The following RECQL5 variants were observed in gnomAD, a reference collection of about 807,000 sequenced individuals.
RECQL5 encodes the protein RecQ like helicase 5.
In RECQL5, 88 loss-of-function variants were observed where a neutral mutation model predicts 103.4. That is an observed-to-expected ratio of 0.85 (90% CI 0.72 to 1.02). The LOEUF (loss-of-function observed/expected upper bound fraction) is 1.02, where lower values mean the gene tolerates loss of function less well. RECQL5 is among the 50% of genes least tolerant of loss of function. The probability of loss-of-function intolerance (pLI) is 0.00; values close to 1 mark genes in which losing one functional copy is unlikely to be tolerated. For missense variants in RECQL5, 1,232 were observed against 1,284.3 expected, an observed-to-expected ratio of 0.96 and a Z score of 0.62; for synonymous variants, 552 against 507.9, an observed-to-expected ratio of 1.09 and a Z score of -1.17.
At chr17:75,632,927 C>T (rs820199) in intron 8 of RECQL5, among the ~76,000 whole-genome samples, 60,470 of 152,134 alleles carry the variant, frequency 0.4, 12,470 homozygotes, top group African/African-American at 0.49. Flanking sequence ...AGCACTGCTG[C>T]GGCTGCAAGA....
In RECQL5 at chr17:75,661,495, T is replaced by C. The variant is rs554499403; in HGVS notation, c.874+111A>G. 3.9e-5 allele frequency: 29 copies of C among 738,324 alleles called. No individual in the cohort carries two copies. In the South Asian group the frequency reaches 4.4e-4, roughly 11 times the overall value. The allele number at this position is 738,324 out of a possible 1,614,324, so 45.7% of individuals were successfully genotyped here. A position where few individuals can be genotyped will look rare whatever the true frequency, so the allele number is the denominator to read the frequency against. On this transcript the variant is annotated intron_variant, in intron 5 of 19. Transcript: ENST00000317905. ...GTGTATCACTTTAGCTCTGCCTGAG[T>C]ATCTGCAATAAGATGGTGGGTCACC...
In RECQL5 at chr17:75,627,264, G is replaced by A. The variant is rs78691378; in HGVS notation, c.*158C>T. The A allele has an allele frequency of 4.5e-3, 3,166 of 706,044 alleles. 72 individuals are homozygous for A. The African/African-American group carries it at 0.048, about 11-fold the overall frequency. 43.7% of individuals were successfully genotyped at this position (706,044 alleles called of 1,614,324 possible). ...AGAAAGGTGGGCTGACCTCTGACCT[G>A]GATTCAGGGGGTGTCTGGGGTCATC... On this transcript the variant is annotated 3_prime_UTR_variant, in exon 20 of 20. Transcript: ENST00000317905.
Position 75,650,920 on chromosome 17 carries a change from G to A in RECQL5, c.1229+266C>T, listed in dbSNP as rs2059546995. ...ATCCCTTGGAACTGAGTGGCTTGTG[G>A]GGCCAGCCATCCCAGAAGAGGGTGG... is the stretch of plus-strand genomic sequence containing the variant. On this transcript the variant is annotated intron_variant, in intron 8 of 19. Transcript: ENST00000317905. 3.5e-6 allele frequency: 5 copies of A among 1,442,786 alleles called. No homozygotes were observed. The South Asian group carries it at 5.8e-5, about 17-fold the overall frequency. 89.4% of individuals were successfully genotyped at this position (1,442,786 alleles called of 1,614,324 possible).
rs768807130 is a variant in RECQL5 at position 75,630,249 on chromosome 17, G to C, written c.1747C>G (p.Leu583Val). ...GCGTTCCGGAATGTCTCATGTTCCAGCTCCACGGCCTTGGCCCGGAGGTCA... is the reference window on the plus strand; with the variant it reads ...GCGTTCCGGAATGTCTCATGTTCCACCTCCACGGCCTTGGCCCGGAGGTCA... ...EADLRAKAVELEHETFRNAKV... is the reference protein window; with the variant it reads ...EADLRAKAVEVEHETFRNAKV... The change falls in exon 14 of 20, where the codon CTG becomes GTG. Residue 583 changes from leucine (L) to valine (V), a missense_variant. By Grantham distance (32) the Leu-to-Val change is conservative. Transcript: ENST00000317905. 6.4e-7 allele frequency: 1 copy of C among 1,562,004 alleles called. No homozygotes were observed. The highest frequency in any genetic ancestry group is 2.4e-5 in the East Asian group (1 of 42,450).
chr17:75,665,827 T>C (rs1160082775), intron 2 of RECQL5, among the ~76,000 whole-genome samples: 1 of 152,208 alleles, frequency 6.6e-6, no homozygotes, highest in Non-Finnish European at 1.5e-5. Flanking sequence ...AGAGGGCTTT[T>C]GTTTAGACAT....
intron 8 of RECQL5, among the ~76,000 whole-genome samples, chr17:75,644,983 G>A (rs1219955479): frequency 6.6e-6 from 1 of 152,090 alleles, no homozygotes; most frequent in African/African-American, 2.4e-5. Context: ...TTCCTTGGCC[G>A]GCCTTCCTGG....
rs904274073 is a variant in RECQL5 at position 75,633,521 on chromosome 17, C to A, written c.1230-1853G>T. 1.2e-5 allele frequency: 15 copies of A among 1,287,656 alleles called. No individual in the cohort carries two copies. The African/African-American group carries it at 2.1e-4, about 18-fold the overall frequency. 79.8% of individuals were successfully genotyped at this position (1,287,656 alleles called of 1,614,324 possible). On this transcript the variant is annotated intron_variant, in intron 8 of 19. Coordinates refer to ENST00000317905, the MANE Select transcript of RECQL5 (RefSeq NM_004259.7). Reference sequence around the variant, plus strand: ...GCCACTCCCAGGTCACTCAGGATTCCAAGTTCTCCCCCAAGACGCCTTCAG... The same window carrying A: ...GCCACTCCCAGGTCACTCAGGATTCAAAGTTCTCCCCCAAGACGCCTTCAG...
intron 8 of RECQL5, chr17:75,635,724 G>A: frequency 1.1e-5 from 10 of 913,532 alleles, no homozygotes; most frequent in Non-Finnish European, 1.3e-5. Flanking sequence ...GCCCAACAGG[G>A]CAAGGGTGAC....
chr17:75,630,945 C>A, intron 11 of RECQL5, 29 bp downstream of exon 11: 4 of 1,611,952 alleles, frequency 2.5e-6, no homozygotes, highest in Non-Finnish European at 3.4e-6. Context: ...GAAGAGCCCA[C>A]AAGCCTCCAG....
Position 75,640,945 on chromosome 17 carries a change from C to T in RECQL5, c.1230-9277G>A. 1 of 1,532,428 alleles carries T rather than the reference C, an allele frequency of 6.5e-7. No homozygotes were observed. The highest frequency in any genetic ancestry group is 1.4e-5 in the African/African-American group (1 of 73,070). The allele number at this position is 1,532,428 out of a possible 1,614,324, so 94.9% of individuals were successfully genotyped here. A position where few individuals can be genotyped will look rare whatever the true frequency, so the allele number is the denominator to read the frequency against. ...AAGCTGGAGAGGAGATGGCCAATGC[C>T]ATGACACAGGCCATCAGCCTGGCCC... On this transcript the variant is annotated intron_variant, in intron 8 of 19. Transcript: ENST00000317905. This position sits in a 1 kb window ranked among gnomAD's most constrained non-coding sequence, Gnocchi z 4.6.
chr17:75,634,100 G>A, intron 8 of RECQL5: 1 of 985,576 alleles, frequency 1.0e-6, no homozygotes, highest in South Asian at 4.7e-5. Context: ...CTGGGCTGAG[G>A]CGCCCAGGGG....
rs2059327322 is a variant in RECQL5 at position 75,636,647 on chromosome 17, CG to C, written c.1230-4980del. On this transcript the variant is annotated intron_variant, in intron 8 of 19. Transcript: ENST00000317905. The surrounding 1 kb of genome is among the most constrained non-coding windows in gnomAD (Gnocchi z 5.4). ...CCCGCTGGGAAGACCACCTGGGGAC[CG>C]GCTGGAATGCGCCTCCTCCTCTTTA... The C allele has an allele frequency of 6.6e-6, 1 of 152,280 alleles. No individual in the cohort carries two copies. The allele number at this position is 152,280 out of a possible 1,614,324, so 9.4% of individuals were successfully genotyped here. A position where few individuals can be genotyped will look rare whatever the true frequency, so the allele number is the denominator to read the frequency against.
intron 8 of RECQL5, chr17:75,649,717 A>G: frequency 1.0e-6 from 1 of 985,522 alleles, no homozygotes; most frequent in South Asian, 4.7e-5. Flanking sequence ...CAATACAGAC[A>G]TACCAGCAGC....
At chr17:75,663,260 T>C (rs902401682) in intron 3 of RECQL5, among the ~76,000 whole-genome samples, 1 of 152,212 alleles carries the variant, frequency 6.6e-6, no homozygotes, top group Non-Finnish European at 1.5e-5. Flanking sequence ...GACCCAAGTC[T>C]GAACATGAAA....
In RECQL5 at chr17:75,629,208, T is replaced by C. The variant is rs751364769; in HGVS notation, c.2215A>G (p.Ser739Gly). The stretch of plus-strand genomic sequence containing the variant: ...CTAGCCCGGCCCTTGGCAAGGGAGC[T>C]GCCCCCAGAGGAACTTTTTGCCTTC... ...EKKAKSSSGGSSLAKGRASKK... is the reference protein window; with the variant it reads ...EKKAKSSSGGGSLAKGRASKK... Residue 739 changes from serine (S) to glycine (G), a missense_variant, in exon 16 of 20, where the codon AGC becomes GGC. Physicochemically the swap from Ser to Gly is moderately conservative, Grantham distance 56. Coordinates refer to ENST00000317905, the MANE Select transcript of RECQL5 (RefSeq NM_004259.7). 6.2e-7 allele frequency: 1 copy of C among 1,613,362 alleles called. No individual in the cohort carries two copies. Among genetic ancestry groups the C allele is most frequent in the Non-Finnish European group, 8.5e-7 (1 of 1,179,932 alleles).
chr17:75,651,726 G>C (rs993889520), intron 7 of RECQL5, among the ~76,000 whole-genome samples: 2 of 152,220 alleles, frequency 1.3e-5, no homozygotes, highest in South Asian at 2.1e-4. Context: ...TCTGGGATGA[G>C]CTTTTGAGAG....
Position 75,629,411 on chromosome 17 carries a change from T to C in RECQL5, c.2012A>G (p.Glu671Gly). ...CCTGATCCGAGTTGTCTCCATCAGTTCCGTGGCCGTCTGGAACGGGCAGGA... is the reference window on the plus strand; with the variant it reads ...CCTGATCCGAGTTGTCTCCATCAGTCCCGTGGCCGTCTGGAACGGGCAGGA... ...KGSCPFQTAT[E>G]LMETTRIREQ... Residue 671 changes from glutamate (E) to glycine (G), a missense_variant, in exon 16 of 20, where the codon GAA becomes GGA. Glu to Gly is a moderately conservative substitution (Grantham distance 98). Transcript: ENST00000317905. 1 of 1,506,576 alleles carries C rather than the reference T, an allele frequency of 6.6e-7. No homozygotes were observed. Among genetic ancestry groups the C allele is most frequent in the Non-Finnish European group, 8.9e-7 (1 of 1,128,376 alleles). 93.3% of individuals were successfully genotyped at this position (1,506,576 alleles called of 1,614,324 possible).
rs1291479590 is a variant in RECQL5, at chr17:75,631,543, C to T, written c.1355G>A (p.Ser452Asn). 6.2e-7 allele frequency: 1 copy of T among 1,613,158 alleles called. No individual in the cohort carries two copies. Among genetic ancestry groups the T allele is most frequent in the Non-Finnish European group, 8.5e-7 (1 of 1,179,978 alleles). ...GGGCCCGATGCAGGTCTTGCTCCAG[C>T]TGCTGCTGCGCTCCAAGGCCTCCAG... ...RRLEALERSS[S>N]WSKTCIGPSQ... Residue 452 changes from serine to asparagine, a missense_variant, in exon 9 of 20, where the codon AGC becomes AAC. Physicochemically the swap from Ser to Asn is conservative, Grantham distance 46. Transcript: ENST00000317905.
At chr17:75,629,893 A>C in intron 14 of RECQL5, 51 bp from the exon 15 acceptor site, 1 of 1,556,368 alleles carries the variant, frequency 6.4e-7, no homozygotes, top group Non-Finnish European at 8.7e-7. Flanking sequence ...TCCTCCTGAC[A>C]TGCCCCACCT....
Sources: allele counts gnomAD v4.1 joint callset (sites outside exome capture counted in the v4.1 genomes callset), GRCh38; gene constraint gnomAD v4.1.1; non-coding constraint Gnocchi (gnomAD v3.1); transcripts MANE v1.5; gene names NCBI Gene and HGNC (gene_info 2026-07-23, HGNC 2026-07-21).